NRG1: variants seen among roughly 807,000 people sequenced by gnomAD.
NRG1 encodes the protein neuregulin 1, also known as pro-neuregulin-1, membrane-bound isoform.
A neutral mutation model predicts 63.8 loss-of-function variants in NRG1; 18 were observed. The ratio of observed to expected loss-of-function variants is 0.28; its 90% CI spans 0.19 to 0.42. NRG1 has a LOEUF of 0.42. NRG1 is among the 10% of genes least tolerant of loss of function. The probability of loss-of-function intolerance (pLI) is 1.00; values close to 1 mark genes in which losing one functional copy is unlikely to be tolerated. For missense variants in NRG1, 762 were observed against 814.7 expected, an observed-to-expected ratio of 0.94 and a Z score of 0.79; for synonymous variants, 302 against 301.3, an observed-to-expected ratio of 1.00 and a Z score of -0.02.
Position 32,292,548 on chromosome 8 carries a change from C to A in NRG1, c.38-303280C>A, listed in dbSNP as rs578047519. On this transcript the variant is annotated intron_variant, in intron 1 of 10. Coordinates refer to the NRG1 transcript ENST00000519301. Reference sequence around the variant, plus strand: ...TCTTCTTCCTCCCATACCCACTCCTCCTCTTTCTTATTTTTCTCTCTTGCT... The same window carrying A: ...TCTTCTTCCTCCCATACCCACTCCTACTCTTTCTTATTTTTCTCTCTTGCT... Among the ~76,000 whole-genome samples the A allele has an allele frequency of 2.4e-4, 36 of 152,324 alleles. No individual in the cohort carries two copies. The South Asian group carries it at 7.0e-3, about 30-fold the overall frequency.
chr8:32,150,184 A>T (rs991945256), intron 1 of NRG1, among the ~76,000 whole-genome samples: 1 of 122,548 alleles, frequency 8.2e-6, no homozygotes, highest in African/African-American at 2.6e-5. Flanking sequence ...TTTTATGTAC[A>T]TGAAGGGAAA....
chr8:31,897,768 A>G (rs1831698275), intron 1 of NRG1, among the ~76,000 whole-genome samples: 1 of 151,942 alleles, frequency 6.6e-6, no homozygotes, highest in South Asian at 2.1e-4. Context: ...TAATCCCAGC[A>G]CTTTGGGAGG....
intron 1 of NRG1, among the ~76,000 whole-genome samples, chr8:31,740,402 C>G (rs1019156082): frequency 6.6e-6 from 1 of 151,956 alleles, no homozygotes; most frequent in African/African-American, 2.4e-5. Context: ...CCTCAGTTGT[C>G]TTGCATTATG....
intron 2 of NRG1, among the ~76,000 whole-genome samples, chr8:32,602,526 G>T (rs1285051086): frequency 6.6e-6 from 1 of 152,122 alleles, no homozygotes; most frequent in African/African-American, 2.4e-5. Context: ...GGTTGTTCTT[G>T]AGGGTGTTGT....
At chr8:32,224,657 G>C (rs1038797060) in intron 1 of NRG1, among the ~76,000 whole-genome samples, 2 of 152,166 alleles carry the variant, frequency 1.3e-5, no homozygotes, top group Non-Finnish European at 2.9e-5. Context: ...CCAGAAGTCT[G>C]TCATTGCTCT....
intron 5 of NRG1, chr8:32,647,057 C>T (rs901036218): frequency 1.0e-6 from 1 of 953,496 alleles, no homozygotes; most frequent in Non-Finnish European, 1.2e-6. Context: ...GGAGGCAGGG[C>T]GGGGAAGGGA....
chr8:31,878,433 G>A (rs762229490), intron 1 of NRG1, among the ~76,000 whole-genome samples: 3 of 152,164 alleles, frequency 2.0e-5, no homozygotes, highest in Admixed American at 6.5e-5. Flanking sequence ...AGTTGCGTTT[G>A]ATAGGGCCAA....
intron 5 of NRG1, among the ~76,000 whole-genome samples, chr8:32,668,737 A>T (rs1361681999): frequency 2.0e-5 from 3 of 152,180 alleles, no homozygotes; most frequent in Non-Finnish European, 4.4e-5. Context: ...GTTTTCAGCA[A>T]ATAGGAGTTT....
At chr8:32,244,475 T>G (rs1166591811) in intron 1 of NRG1, among the ~76,000 whole-genome samples, 1 of 152,128 alleles carries the variant, frequency 6.6e-6, no homozygotes, top group Non-Finnish European at 1.5e-5. Flanking sequence ...ATCAGGAAAT[T>G]AAAGAGATTA....
intron 1 of NRG1, among the ~76,000 whole-genome samples, chr8:31,791,192 AGT>A (rs1379163313): frequency 1.4e-5 from 2 of 145,452 alleles, no homozygotes; most frequent in African/African-American, 5.2e-5. Context: ...TGGGTGGGAG[AGT>A]GAAACTGTGC....
rs1844967312 is a variant in NRG1 at position 32,214,075 on chromosome 8, G to A, written c.38-381753G>A. ...TGTGGTTCCGTCTCTGGACTCCTAA[G>A]GGTCTAGAGTTGTCTCTGATGATTA... On this transcript the variant is annotated intron_variant, in intron 1 of 10. Transcript: ENST00000519301. 2.0e-5 allele frequency among the ~76,000 whole-genome samples: 3 copies of A among 152,158 alleles called. No individual in the cohort carries two copies. In the South Asian group the frequency reaches 6.2e-4, roughly 31 times the overall value.
intron 1 of NRG1, among the ~76,000 whole-genome samples, chr8:32,001,840 A>G (rs1812981507): frequency 6.6e-6 from 1 of 151,988 alleles, no homozygotes; most frequent in Admixed American, 6.6e-5. Flanking sequence ...ATGACTTTAT[A>G]CCATTGATGT....
intron 1 of NRG1, among the ~76,000 whole-genome samples, chr8:32,424,694 G>T (rs917359126): frequency 3.9e-5 from 6 of 151,976 alleles, no homozygotes; most frequent in African/African-American, 1.5e-4. Flanking sequence ...ACATAGGAAG[G>T]CCCCATTTCT....
At chr8:32,103,240 AGTT>A (rs1159697282) in intron 1 of NRG1, among the ~76,000 whole-genome samples, 1 of 152,062 alleles carries the variant, frequency 6.6e-6, no homozygotes, top group Non-Finnish European at 1.5e-5. Flanking sequence ...CCATGGGTTC[AGTT>A]GTTTTGATTT....
At chr8:32,021,658 A>G (rs1219985118) in intron 1 of NRG1, among the ~76,000 whole-genome samples, 1 of 152,180 alleles carries the variant, frequency 6.6e-6, no homozygotes, top group African/African-American at 2.4e-5. Context: ...GTGAACATAT[A>G]TAACTTTGAG....
intron 1 of NRG1, among the ~76,000 whole-genome samples, chr8:32,000,551 G>A (rs539256972): frequency 1.3e-5 from 2 of 151,920 alleles, no homozygotes; most frequent in Non-Finnish European, 2.9e-5. Flanking sequence ...ACAGGCCTGA[G>A]CCACCATGCA....
At chr8:32,665,653 T>A (rs1803955013) in intron 5 of NRG1, among the ~76,000 whole-genome samples, 1 of 152,208 alleles carries the variant, frequency 6.6e-6, no homozygotes, top group South Asian at 2.1e-4. Context: ...GTGTCAAAGC[T>A]GCTAAATGAA....
chr8:32,754,175 G>A (rs1373586491), intron 7 of NRG1, among the ~76,000 whole-genome samples, 197 bp from the exon 8 acceptor site: 2 of 152,086 alleles, frequency 1.3e-5, no homozygotes, highest in African/African-American at 2.4e-5. Context: ...GGCCCCAGCT[G>A]GCTTTTTTAT....
intron 1 of NRG1, among the ~76,000 whole-genome samples, chr8:32,349,069 T>C (rs534112792): frequency 6.6e-6 from 1 of 152,288 alleles, no homozygotes; most frequent in African/African-American, 2.4e-5. Context: ...ATTACACTTT[T>C]GAGTGGGACT....
Sources: gnomAD v4.1 joint callset for allele counts (sites outside exome capture counted in the v4.1 genomes callset) on GRCh38, gnomAD v4.1.1 for gene constraint, MANE v1.5 for transcripts, NCBI Gene and HGNC (gene_info 2026-07-23, HGNC 2026-07-21) for gene names.